PKD1: variants seen among roughly 807,000 people sequenced by gnomAD.
The protein encoded by PKD1 is polycystin-1.
Under a neutral mutation model 361.7 loss-of-function variants are expected in PKD1, and 81 were observed. The ratio of observed to expected loss-of-function variants is 0.22; its 90% CI spans 0.19 to 0.27. The LOEUF (loss-of-function observed/expected upper bound fraction) is 0.27. Ranked by LOEUF, PKD1 falls within the 10% of genes least tolerant of loss-of-function variation. The pLI, the probability that PKD1 is intolerant of heterozygous loss-of-function variation, is 1.00. For missense variants in PKD1, 6,399 were observed against 6,118.3 expected (o/e 1.05, Z -1.53); for synonymous variants, 3,615 against 2,818.3 (o/e 1.28, Z -8.95).
In PKD1 at chr16:2,116,839, G is replaced by C. The variant is rs528103165; in HGVS notation, c.1600C>G (p.Pro534Ala). ...TGCCTGGCCCCCCGCACACCTCCGG[G>C]CTGCAGCTCGCAGACGTAGCTGTGC... The part of the protein sequence containing the change: ...APHSYVCELQ[P>A]GGPVQDAENL... Residue 534 changes from proline to alanine, a missense_variant, in exon 7 of 46, where the codon CCC becomes GCC. Physicochemically the swap from Pro to Ala is conservative, Grantham distance 27. Transcript: ENST00000262304. The C allele has an allele frequency of 6.5e-7, 1 of 1,527,600 alleles. No homozygotes were observed. Among genetic ancestry groups the C allele is most frequent in the South Asian group, 1.2e-5 (1 of 84,090 alleles). The allele number at this position is 1,527,600 out of a possible 1,614,324, so 94.6% of individuals were successfully genotyped here.
At chr16:2,104,038 G>A in intron 22 of PKD1, 143 bp from the exon 23 acceptor site, 1 of 388,482 alleles carries the variant, frequency 2.6e-6, no homozygotes, top group Non-Finnish European at 4.5e-6. Context: ...AGAAGGAAGG[G>A]GGAAGCTGGA....
In PKD1 at chr16:2,109,337, C is replaced by A. The variant is rs200001471; in HGVS notation, c.5830G>T (p.Gly1944Ter). 1 of 1,590,626 alleles carries A rather than the reference C, an allele frequency of 6.3e-7. No homozygotes were observed. The highest frequency in any genetic ancestry group is 1.1e-5 in the South Asian group (1 of 90,452). ...PRFSHSFPRV[G>*]DHVVSVRGKN... ...CCCCGCACGCTCACCACGTGGTCTC[C>A]GACGCGGGGGAAGCTGTGGGAGAAA... Residue 1944 changes from glycine to a stop codon, truncating the protein, a stop_gained, in exon 15 of 46, where the codon GGA becomes TGA. Coordinates refer to ENST00000262304, the MANE Select transcript of PKD1 (RefSeq NM_001009944.3). LOFTEE classifies it high-confidence loss of function.
At position 2,100,008 on chromosome 16, in the gene PKD1, T is replaced by C; in HGVS notation, c.9776A>G (p.Asp3259Gly). ...LVAELQRGFF[D>G]KHIWLSIWDR... The stretch of plus-strand genomic sequence containing the variant: ...CCATATGGAGAGCCAGATGTGCTTG[T>C]CAAAGAAGCCACGCTGCAGCTCAGC... Residue 3259 changes from aspartate (D) to glycine (G), a missense_variant, in exon 29 of 46, where the codon GAC becomes GGC. Transcript: ENST00000262304. This position sits in a 1 kb window ranked among gnomAD's most constrained non-coding sequence, Gnocchi z 4.4. 1.3e-6 allele frequency: 2 copies of C among 1,570,650 alleles called. No individual in the cohort carries two copies. The highest frequency in any genetic ancestry group is 1.7e-6 in the Non-Finnish European group (2 of 1,159,684).
chr16:2,111,200 G>A lies in PKD1; in HGVS notation c.3967C>T (p.His1323Tyr). ...CCGAAGGTCCAGTCGAAGAGGTAGT[G>A]GGCCGGGTTCCCGGTGACGTAGGCC... The part of the protein sequence containing the change: ...LTAYVTGNPA[H>Y]YLFDWTFGDG... Residue 1323 changes from histidine (H) to tyrosine (Y), a missense_variant, in exon 15 of 46, where the codon CAC (histidine) becomes TAC (tyrosine). Coordinates refer to ENST00000262304, the MANE Select transcript of PKD1 (RefSeq NM_001009944.3). The A allele has an allele frequency of 1.2e-6, 2 of 1,611,506 alleles. No homozygotes were observed. Among genetic ancestry groups the A allele is most frequent in the Admixed American group, 1.7e-5 (1 of 60,000 alleles).
rs762312189 is a variant in PKD1, at chr16:2,102,187, T to C, written c.9271A>G (p.Met3091Val). Residue 3091 changes from methionine (M) to valine (V), a missense_variant, in exon 26 of 46, where the codon ATG (methionine) becomes GTG (valine). By Grantham distance (21) the Met-to-Val change is conservative (BLOSUM62 1). Coordinates refer to ENST00000262304, the MANE Select transcript of PKD1 (RefSeq NM_001009944.3). ...CAVCLVTYMVMAAILHKLDQL... is the reference protein window; with the variant it reads ...CAVCLVTYMVVAAILHKLDQL... ...TCCAGCTTGTGCAGGATGGCGGCCA[T>C]GACCATGTAGGTCACCAGGCACACA... 2.8e-5 allele frequency: 43 copies of C among 1,523,542 alleles called. 1 individual carries two copies. Among genetic ancestry groups the C allele is most frequent in the Admixed American group, 1.5e-4 (9 of 58,698 alleles). The allele number at this position is 1,523,542 out of a possible 1,614,324, so 94.4% of individuals were successfully genotyped here.
At position 2,131,006 on chromosome 16, in the gene PKD1, G is replaced by C. The variant is rs569817193; in HGVS notation, c.215+4469C>G. Among the ~76,000 whole-genome samples the C allele has an allele frequency of 1.1e-4, 16 of 152,314 alleles. No individual in the cohort carries two copies. In the East Asian group the frequency reaches 2.9e-3, roughly 28 times the overall value. ...CCTGAGCTGATGACATCTACACCTA[G>C]GCCAGTGCCAGCCAGGACAACCTCT... On this transcript the variant is annotated intron_variant, in intron 1 of 45. Transcript: ENST00000262304.
chr16:2,105,531 C>G, intron 20 of PKD1, 57 bp from the exon 21 acceptor site: 1 of 1,595,080 alleles, frequency 6.3e-7, no homozygotes, highest in Non-Finnish European at 8.5e-7. Flanking sequence ...CGGCAGGAGG[C>G]CAGCAGATGC....
Position 2,110,978 on chromosome 16 carries a change from C to T in PKD1, c.4189G>A (p.Glu1397Lys), listed in dbSNP as rs755462601. ...CAGGCACATGCCACCAGCCAGGCCT[C>T]GTCCCCGAGCTGCACAAACTGCCTC... ...PERQFVQLGD[E>K]AWLVACAWPP... is the part of the protein sequence containing the mutation. The change falls in exon 15 of 46, where the codon GAG (glutamate) becomes AAG (lysine). Residue 1397 changes from glutamate (E) to lysine (K), a missense_variant. By Grantham distance (56) the Glu-to-Lys change is moderately conservative. Coordinates refer to ENST00000262304, the MANE Select transcript of PKD1 (RefSeq NM_001009944.3). 12 of 1,610,478 alleles carry T rather than the reference C, an allele frequency of 7.5e-6. No individual in the cohort carries two copies. The East Asian group carries it at 8.9e-5, about 12-fold the overall frequency.
chr16:2,107,675 C>G (rs1212173524), intron 16 of PKD1: 1 of 635,860 alleles, frequency 1.6e-6, no homozygotes, highest in Non-Finnish European at 2.9e-6. Flanking sequence ...GCCACTAGAG[C>G]ATATGTGGCT....
At position 2,131,437 on chromosome 16, in the gene PKD1, G is replaced by A. The variant is rs542545723; in HGVS notation, c.215+4038C>T. Among the ~76,000 whole-genome samples the A allele has an allele frequency of 2.6e-5, 4 of 152,214 alleles. No individual in the cohort carries two copies. In the East Asian group the frequency reaches 7.7e-4, roughly 29 times the overall value. ...GCAGGAGAATGGCGTGAACCCAGGA[G>A]GCGGAGCTTGCAGTGAGCTGAGATG... is the stretch of plus-strand genomic sequence containing the variant. On this transcript the variant is annotated intron_variant, in intron 1 of 45. Coordinates refer to ENST00000262304, the MANE Select transcript of PKD1 (RefSeq NM_001009944.3).
intron 1 of PKD1, among the ~76,000 whole-genome samples, chr16:2,124,519 TGAG>T (rs1316982404): frequency 4.6e-5 from 7 of 152,296 alleles, no homozygotes; most frequent in East Asian, 1.9e-4. Flanking sequence ...ACAGTGGGAC[TGAG>T]GAGAACTTCC....
chr16:2,125,128 T>C (rs950374516), intron 1 of PKD1, among the ~76,000 whole-genome samples: 1 of 152,148 alleles, frequency 6.6e-6, no homozygotes, highest in African/African-American at 2.4e-5. Flanking sequence ...CCTTTCTATT[T>C]AAGGAGAGTG....
At chr16:2,105,807 G>A (rs368478735) in intron 20 of PKD1, 58 bp downstream of exon 20, 40 of 1,538,068 alleles carry the variant, frequency 2.6e-5, no homozygotes, top group East Asian at 1.8e-4. Flanking sequence ...AGGGGTACAG[G>A]TCTTGGTCCC....
rs377136828 is a variant in PKD1 at position 2,115,466 on chromosome 16, G to A, written c.2009C>T (p.Thr670Met). 3.1e-5 allele frequency: 50 copies of A among 1,601,334 alleles called. No homozygotes were observed. In the African/African-American group the frequency reaches 3.4e-4, roughly 11 times the overall value. ...GGCCCCGGGTAGCCCTGGCCCTGAC[G>A]TGCAGCCATTGGCGCAGGCCTGGGG... ...CHPQACANGC[T>M]SGPGLPGAPY... Residue 670 changes from threonine (T) to methionine (M), a missense_variant, in exon 10 of 46, where the codon ACG becomes ATG. Transcript: ENST00000262304.
In PKD1 at chr16:2,093,562, C is replaced by A. The variant is rs758118831; in HGVS notation, c.10998G>T (p.Arg3666Ser). ...GGCTCACCCGCAGCATGCCATGTAG[C>A]CTCTTGACCTTGCGGGCTTCTTCCT... ...LAKEEARKVK[R>S]LHGMLRSLLV... The change falls in exon 37 of 46, where the codon AGG (arginine) becomes AGT (serine). Residue 3666 changes from arginine to serine, a missense_variant. Arg to Ser is a moderately radical substitution (Grantham distance 110). Coordinates refer to ENST00000262304, the MANE Select transcript of PKD1 (RefSeq NM_001009944.3). 4.5e-5 allele frequency: 72 copies of A among 1,604,398 alleles called. 3 individuals are homozygous for A. The South Asian group carries it at 7.7e-4, about 17-fold the overall frequency.
rs1320318349 is a variant in PKD1 at position 2,105,371 on chromosome 16, T to C, written c.7967A>G (p.His2656Arg). The C allele has an allele frequency of 6.3e-7, 1 of 1,590,420 alleles. No individual in the cohort carries two copies. Among genetic ancestry groups the C allele is most frequent in the East Asian group, 2.2e-5 (1 of 44,852 alleles). Residue 2656 changes from histidine (H) to arginine (R), a missense_variant, in exon 21 of 46, where the codon CAC (histidine) becomes CGC (arginine). Physicochemically the swap from His to Arg is conservative, Grantham distance 29 (BLOSUM62 0). Transcript: ENST00000262304. ...GATCTGCTGGATGTCATCCACAGTGTGGACCCTCAGGGACACCAGAGTCTC... is the reference window on the plus strand; with the variant it reads ...GATCTGCTGGATGTCATCCACAGTGCGGACCCTCAGGGACACCAGAGTCTC... Reference protein sequence around the residue: ...ITETLVSLRVHTVDDIQQIAA... With the variant: ...ITETLVSLRVRTVDDIQQIAA...
chr16:2,124,874 G>A (rs1398871043), intron 1 of PKD1, among the ~76,000 whole-genome samples: 1 of 152,210 alleles, frequency 6.6e-6, no homozygotes. Flanking sequence ...CAGGACGCCA[G>A]ACCCAGGGAG....
intron 40 of PKD1, 49 bp downstream of exon 40, chr16:2,091,998 C>T: frequency 6.2e-7 from 1 of 1,612,556 alleles, no homozygotes; most frequent in Non-Finnish European, 8.5e-7. Context: ...TCCTGGAGAA[C>T]TACTCCCTTG....
Position 2,111,444 on chromosome 16 carries a change from G to T in PKD1, c.3723C>A (p.Ile1241=). Residue 1241 remains isoleucine (I), a synonymous_variant, in exon 15 of 46, where the codon ATC becomes ATA. Transcript: ENST00000262304. ...CGTCCCCCATGTCGAAGGTCCACGT[G>T]ATGTTGTCGCCCGTCTGCACCGCGG... ...VSAAVQTGDN[I]TWTFDMGDGT... 1.2e-6 allele frequency: 2 copies of T among 1,611,920 alleles called. No homozygotes were observed. Among genetic ancestry groups the T allele is most frequent in the South Asian group, 2.2e-5 (2 of 91,048 alleles).
Sources: allele counts gnomAD v4.1 joint callset (sites outside exome capture counted in the v4.1 genomes callset), GRCh38; gene constraint gnomAD v4.1.1; non-coding constraint Gnocchi (gnomAD v3.1); transcripts MANE v1.5; gene names NCBI Gene and HGNC (gene_info 2026-07-23, HGNC 2026-07-21).